PPEF1: variants seen among roughly 807,000 people sequenced by gnomAD.
PPEF1 encodes the protein serine/threonine-protein phosphatase with EF-hands 1.
A neutral mutation model predicts 53.3 loss-of-function variants in PPEF1; 12 were observed. The observed-to-expected ratio is 0.23, with a 90% CI of 0.14 to 0.36. The LOEUF is 0.36. Ranked by LOEUF, PPEF1 falls within the 10% of genes least tolerant of loss-of-function variation. The pLI, the probability that PPEF1 is intolerant of heterozygous loss-of-function variation, is 1.00. For missense variants in PPEF1, 334 were observed against 490.4 expected, an observed-to-expected ratio of 0.68 and a Z score of 3.01; for synonymous variants, 165 against 176.7, an observed-to-expected ratio of 0.93 and a Z score of 0.52.
In PPEF1 at chrX:18,743,646, G is replaced by A. The variant is rs969688636; in HGVS notation, c.236-6146G>A. Among the ~76,000 whole-genome samples, 15 of 107,257 alleles carry A rather than the reference G, an allele frequency of 1.4e-4. No individual in the cohort carries two copies. In the South Asian group the frequency reaches 1.7e-3, roughly 12 times the overall value. 93.1% of individuals were successfully genotyped at this position (107,257 alleles called of 115,157 possible). A position where few individuals can be genotyped will look rare whatever the true frequency, so the allele number is the denominator to read the frequency against. On this transcript the variant is annotated intron_variant, in intron 3 of 15. Transcript: ENST00000470157. ...TGCATTTTTAGTAGAAATGGGTTTC[G>A]CCACATTGGCCAGGCTGGTCTCAAA... is the stretch of plus-strand genomic sequence containing the variant.
rs1320799463 is a variant in PPEF1 at position 18,728,199 on chromosome X, C to CTA, written c.47-1981_47-1980insAT. Among the ~76,000 whole-genome samples the CTA allele has an allele frequency of 7.4e-3, 815 of 110,317 alleles. 10 individuals are homozygous for CTA. Among genetic ancestry groups the CTA allele is most frequent in the African/African-American group, 0.026 (772 of 30,029 alleles). On this transcript the variant is annotated intron_variant, in intron 1 of 15. Coordinates refer to ENST00000470157, the MANE Select transcript of PPEF1 (RefSeq NM_001377996.1). ...TCTCTCTCTCTCTCGCTCTCTCTCTCTCTCTATATATATATCTTGTATTAG... is the reference window on the plus strand; with the variant it reads ...TCTCTCTCTCTCTCGCTCTCTCTCTCTATCTCTATATATATATCTTGTATTAG...
chrX:18,785,162 G>A (rs1451391184), intron 9 of PPEF1, among the ~76,000 whole-genome samples: 1 of 111,403 alleles, frequency 9.0e-6, no homozygotes, highest in Non-Finnish European at 1.9e-5. Context: ...TGTCGTTGCT[G>A]GTATCCTCCC....
chrX:18,826,169 A>T, intron 15 of PPEF1, among the ~76,000 whole-genome samples: 1 of 111,040 alleles, frequency 9.0e-6, no homozygotes, highest in East Asian at 2.8e-4. Flanking sequence ...ACTTGAGGGG[A>T]AAAAGAAACT....
intron 6 of PPEF1, among the ~76,000 whole-genome samples, chrX:18,772,183 T>C (rs1476487922): frequency 9.0e-6 from 1 of 111,244 alleles, no homozygotes; most frequent in African/African-American, 3.3e-5. Flanking sequence ...AAAATATATT[T>C]ACTACTCAAC....
At chrX:18,732,925 C>G (rs111536191) in intron 2 of PPEF1, among the ~76,000 whole-genome samples, 1 of 111,709 alleles carries the variant, frequency 9.0e-6, no homozygotes, top group African/African-American at 3.3e-5. Flanking sequence ...AGATCATGAC[C>G]GGGTGCAGTG....
intron 6 of PPEF1, among the ~76,000 whole-genome samples, chrX:18,702,311 G>T (rs939597401): frequency 9.1e-6 from 1 of 110,374 alleles, no homozygotes; most frequent in East Asian, 2.8e-4. Context: ...GGTCGGGGGT[G>T]GGGGTAGAGG....
chrX:18,765,499 T>C (rs1475074199), intron 6 of PPEF1, among the ~76,000 whole-genome samples: 2 of 111,787 alleles, frequency 1.8e-5, no homozygotes, highest in Non-Finnish European at 3.8e-5. Context: ...TGTCAGATGA[T>C]GGATACTTTA....
intron 3 of PPEF1, among the ~76,000 whole-genome samples, chrX:18,742,577 G>A (rs910918000): frequency 4.5e-5 from 5 of 110,967 alleles, no homozygotes; most frequent in African/African-American, 1.6e-4. Flanking sequence ...GTTACCTCTC[G>A]GCCAGGTGCA....
chrX:18,687,686 T>TTC (rs199683415), intron 3 of PPEF1, among the ~76,000 whole-genome samples: 6,609 of 76,258 alleles, frequency 0.087, 244 homozygotes, highest in Middle Eastern at 0.11. Flanking sequence ...AATATTCTTC[T>TTC]TTTTTTTTTT....
intron 2 of PPEF1, 146 bp downstream of exon 2, chrX:18,730,454 C>T: frequency 4.2e-6 from 3 of 714,689 alleles, no homozygotes; most frequent in Non-Finnish European, 2.0e-6. Context: ...TGTCTTGGAA[C>T]TAGTTATTGA....
chrX:18,740,916 A>ATTTT (rs749122735), intron 3 of PPEF1, among the ~76,000 whole-genome samples: 2 of 75,184 alleles, frequency 2.7e-5, no homozygotes, highest in East Asian at 4.0e-4. Context: ...TGGGCCAACC[A>ATTTT]TTTTTTTTTT....
intron 7 of PPEF1, among the ~76,000 whole-genome samples, chrX:18,781,646 C>T (rs191273953): frequency 4.5e-5 from 5 of 111,739 alleles, no homozygotes; most frequent in East Asian, 5.7e-4. Context: ...GAAAACAGAA[C>T]GTTACACTGT....
intron 12 of PPEF1, among the ~76,000 whole-genome samples, chrX:18,813,392 A>C (rs987837372): frequency 9.1e-6 from 1 of 110,361 alleles, no homozygotes; most frequent in Non-Finnish European, 1.9e-5. Context: ...AAAAAAAAAA[A>C]AAAAAACAAT....
chrX:18,722,119 G>C (rs1399107701), intron 1 of PPEF1, among the ~76,000 whole-genome samples: 2 of 112,149 alleles, frequency 1.8e-5, no homozygotes, highest in Non-Finnish European at 3.8e-5. Flanking sequence ...TGGGACAGCC[G>C]CACATTCTGG....
intron 1 of PPEF1, 140 bp from the exon 2 acceptor site, chrX:18,730,041 T>G: frequency 1.8e-6 from 1 of 559,617 alleles, no homozygotes; most frequent in Non-Finnish European, 2.7e-6. Flanking sequence ...TAAAAGTCAA[T>G]CTCATTGTTT....
chrX:18,686,120 A>AT (rs970562706), intron 2 of PPEF1: 1 of 112,183 alleles, frequency 8.9e-6, no homozygotes, highest in African/African-American at 3.2e-5. Context: ...TAAAATTATT[A>AT]TTTTTTTCTT....
intron 5 of PPEF1, among the ~76,000 whole-genome samples, chrX:18,760,855 C>T (rs187034808): frequency 9.4e-6 from 1 of 106,457 alleles, no homozygotes; most frequent in Non-Finnish European, 1.9e-5. Flanking sequence ...TCTCAGCTCA[C>T]TGCAACCTCC....
At chrX:18,754,059 A>G (rs2045497596) in intron 4 of PPEF1, among the ~76,000 whole-genome samples, 1 of 110,091 alleles carries the variant, frequency 9.1e-6, no homozygotes, top group Non-Finnish European at 1.9e-5. Flanking sequence ...ATTTAAAAAA[A>G]AAAAAAAAGG....
chrX:18,707,070 G>T (rs866653451), upstream of PPEF1, among the ~76,000 whole-genome samples: 1 of 109,375 alleles, frequency 9.1e-6, no homozygotes, highest in Non-Finnish European at 1.9e-5. Context: ...CTCGTAATCC[G>T]CCCGCCTCGG....
Sources: allele counts gnomAD v4.1 joint callset (sites outside exome capture counted in the v4.1 genomes callset), GRCh38; gene constraint gnomAD v4.1.1; transcripts MANE v1.5; gene names NCBI Gene and HGNC (gene_info 2026-07-23, HGNC 2026-07-21).